The following EFTUD2 variants were observed in gnomAD, a reference collection of about 807,000 sequenced individuals.
EFTUD2 encodes the protein elongation factor Tu GTP binding domain containing 2.
In EFTUD2, 9 loss-of-function variants were observed where a neutral mutation model predicts 114.3. That is an observed-to-expected ratio of 0.08 (90% CI 0.05 to 0.14). EFTUD2 has a LOEUF of 0.14. Ranked by LOEUF, EFTUD2 falls within the 10% of genes least tolerant of loss-of-function variation. EFTUD2 has a pLI of 1.00. For missense variants in EFTUD2, 765 were observed against 1,241.2 expected (o/e 0.62, Z 5.76); for synonymous variants, 449 against 462.3 (o/e 0.97, Z 0.37).
At chr17:44,853,881 A>G in intron 23 of EFTUD2, 9 of 1,387,230 alleles carry the variant, frequency 6.5e-6, no homozygotes, top group Non-Finnish European at 8.4e-6. Flanking sequence ...CTAGAAGTTT[A>G]TTTCCTTCTT....
At chr17:44,860,569 G>C in intron 16 of EFTUD2, 26 bp from the exon 17 acceptor site, 3 of 1,319,562 alleles carry the variant, frequency 2.3e-6, no homozygotes, top group Non-Finnish European at 3.3e-6. Flanking sequence ...ATAAGCAGCA[G>C]TGAAACTTAG....
chr17:44,883,457 G>A (rs1386938402), intron 5 of EFTUD2, 192 bp downstream of exon 5: 6 of 628,860 alleles, frequency 9.5e-6, no homozygotes, highest in Non-Finnish European at 1.4e-5. Context: ...AAGTGGCTTA[G>A]GAACAGGCTC....
At chr17:44,869,533 C>T (rs979854809) in intron 11 of EFTUD2, among the ~76,000 whole-genome samples, 4 of 152,178 alleles carry the variant, frequency 2.6e-5, no homozygotes, top group African/African-American at 7.2e-5. Context: ...CTCCTGGCCT[C>T]AAGTGATCCT....
At chr17:44,883,942 G>A in intron 4 of EFTUD2, 2 of 557,864 alleles carry the variant, frequency 3.6e-6, no homozygotes, top group Non-Finnish European at 6.4e-6. Flanking sequence ...GACTATCACG[G>A]GGATTTCAAT....
intron 27 of EFTUD2, 47 bp downstream of exon 27, chr17:44,851,663 G>A (rs1472447302): frequency 1.3e-6 from 2 of 1,488,192 alleles, no homozygotes; most frequent in Non-Finnish European, 1.8e-6. Context: ...CTGCTTCTGA[G>A]AGTCCTGGGG....
At chr17:44,865,240 A>T in intron 13 of EFTUD2, 175 bp from the exon 14 acceptor site, 1 of 818,512 alleles carries the variant, frequency 1.2e-6, no homozygotes, top group Non-Finnish European at 1.8e-6. Flanking sequence ...TCTGCTACCT[A>T]CCCTTCAAAC....
chr17:44,895,131 C>A (rs1025225445), intron 1 of EFTUD2, among the ~76,000 whole-genome samples: 2 of 152,098 alleles, frequency 1.3e-5, no homozygotes, highest in Non-Finnish European at 1.5e-5. Flanking sequence ...GGGAAAAAGT[C>A]AAAAGAAAAA....
In EFTUD2 at chr17:44,878,652, T is replaced by A. The variant is rs1189067688; in HGVS notation, c.702+904A>T. 2.6e-5 allele frequency among the ~76,000 whole-genome samples: 4 copies of A among 152,154 alleles called. No homozygotes were observed. The East Asian group carries it at 7.7e-4, about 29-fold the overall frequency. On this transcript the variant is annotated intron_variant, in intron 9 of 27. Transcript: ENST00000426333. ...CTGAAATATTTTACTTTCAAACAGT[T>A]CAAGGGGAAAATGTACACACCTGTC...
At position 44,865,990 on chromosome 17, in the gene EFTUD2, C is replaced by T. The variant is rs57939403; in HGVS notation, c.1150-925G>A. On this transcript the variant is annotated intron_variant, in intron 13 of 27. Coordinates refer to ENST00000426333, the MANE Select transcript of EFTUD2 (RefSeq NM_004247.4). ...CTACAACAGCTAATTCTATTTTGTG[C>T]GGAGATAAAGGGTTTAGCCATGTTG... Among the ~76,000 whole-genome samples, 1,202 of 152,138 alleles carry T rather than the reference C, an allele frequency of 7.9e-3. 18 individuals carry two copies. The highest frequency in any genetic ancestry group is 0.019 in the African/African-American group (797 of 41,504).
rs147748510 is a variant in EFTUD2, at chr17:44,883,702, T to C, written c.373A>G (p.Asn125Asp). The part of the protein sequence containing the change: ...EMDFLADLMD[N>D]SELIRNVTLC... ...GTCACATTTCTGATGAGCTCTGAGT[T>C]ATCCATCAGATCCGCCAAGAAACTG... is the stretch of plus-strand genomic sequence containing the variant. The change falls in exon 5 of 28, where the codon AAC becomes GAC. Residue 125 changes from asparagine (N) to aspartate (D), a missense_variant. By Grantham distance (23) the Asn-to-Asp change is conservative. Coordinates refer to ENST00000426333, the MANE Select transcript of EFTUD2 (RefSeq NM_004247.4). 7 of 1,614,206 alleles carry C rather than the reference T, an allele frequency of 4.3e-6. No individual in the cohort carries two copies. Among genetic ancestry groups the C allele is most frequent in the Non-Finnish European group, 5.9e-6 (7 of 1,180,022 alleles).
In EFTUD2 at chr17:44,854,143, GGGAT is replaced by G. The variant is rs1303896652; in HGVS notation, c.2347+122_2347+125del. ...AAGGGAAGAAGCTGGCCCAGGACTT[GGGAT>G]GGTCCTGTGTACCCCAAGCTGCTTC... On this transcript the variant is annotated intron_variant, in intron 23 of 27. Transcript: ENST00000426333. This position sits in a 1 kb window ranked among gnomAD's most constrained non-coding sequence, Gnocchi z 4.3. 1.1e-5 allele frequency: 16 copies of G among 1,399,148 alleles called. No homozygotes were observed. In the East Asian group the frequency reaches 3.8e-4, roughly 34 times the overall value. 86.7% of individuals were successfully genotyped at this position (1,399,148 alleles called of 1,614,324 possible).
intron 11 of EFTUD2, among the ~76,000 whole-genome samples, chr17:44,868,891 CAATT>C (rs1037200016): frequency 6.6e-5 from 10 of 152,158 alleles, no homozygotes; most frequent in Non-Finnish European, 1.3e-4. Flanking sequence ...CATCTTTCAC[CAATT>C]AATATTTTTA....
chr17:44,861,471 C>T (rs903252225), intron 16 of EFTUD2, among the ~76,000 whole-genome samples: 1 of 149,816 alleles, frequency 6.7e-6, no homozygotes, highest in African/African-American at 2.5e-5. Flanking sequence ...CGGTGGCTCA[C>T]ACCTATAATC....
At chr17:44,879,154 C>T (rs1454722182) in intron 9 of EFTUD2, among the ~76,000 whole-genome samples, 4 of 152,138 alleles carry the variant, frequency 2.6e-5, no homozygotes, top group South Asian at 2.1e-4. Context: ...GGCGCAATCT[C>T]GGCTCACTGC....
intron 12 of EFTUD2, 47 bp downstream of exon 12, chr17:44,868,240 G>T: frequency 6.5e-7 from 1 of 1,540,756 alleles, no homozygotes; most frequent in Non-Finnish European, 8.9e-7. Flanking sequence ...TCACTTACTG[G>T]GTAAATGATC....
chr17:44,868,353 A>G lies in EFTUD2; in HGVS notation c.995-3T>C. ...AAATTCTTGGTAATTAATGTCACCT[A>G]TGGGAGAAGCCACACAATTATAATC... On this transcript the variant is annotated splice_region_variant and splice_polypyrimidine_tract_variant and intron_variant, in intron 11 of 27. Coordinates refer to ENST00000426333, the MANE Select transcript of EFTUD2 (RefSeq NM_004247.4). 4.3e-6 allele frequency: 7 copies of G among 1,613,642 alleles called. No individual in the cohort carries two copies. The highest frequency in any genetic ancestry group is 5.9e-6 in the Non-Finnish European group (7 of 1,179,814).
rs1220622014 is a variant in EFTUD2, at chr17:44,859,944, C to G, written c.1821G>C (p.Leu607=). The G allele has an allele frequency of 6.2e-7, 1 of 1,614,172 alleles. No homozygotes were observed. Among genetic ancestry groups the G allele is most frequent in the East Asian group, 2.2e-5 (1 of 44,890 alleles). ...PSELPKMLDG[L]RKVNKSYPSL... is the part of the protein sequence containing the mutation. ...ATGGATAGCTCTTGTTGACCTTGCG[C>G]AGGCCATCAAGCATCTTGGGCAGCT... is the stretch of plus-strand genomic sequence containing the variant. The change falls in exon 18 of 28, where the codon CTG becomes CTC. Residue 607 remains leucine (L), a synonymous_variant. Coordinates refer to ENST00000426333, the MANE Select transcript of EFTUD2 (RefSeq NM_004247.4).
chr17:44,851,653 C>G, intron 27 of EFTUD2, 57 bp downstream of exon 27: 2 of 1,458,726 alleles, frequency 1.4e-6, no homozygotes, highest in Non-Finnish European at 1.8e-6. Context: ...GAGAGAGATC[C>G]TGCTTCTGAG....
chr17:44,894,586 G>T, intron 1 of EFTUD2, 61 bp from the exon 2 acceptor site: 1 of 1,258,998 alleles, frequency 7.9e-7, no homozygotes, highest in South Asian at 1.2e-5. Context: ...TCATGTGGTG[G>T]CTCCACCTGT....
Sources: allele counts gnomAD v4.1 joint callset (sites outside exome capture counted in the v4.1 genomes callset), GRCh38; gene constraint gnomAD v4.1.1; non-coding constraint Gnocchi (gnomAD v3.1); transcripts MANE v1.5; gene names NCBI Gene and HGNC (gene_info 2026-07-23, HGNC 2026-07-21).